Variants in XKR6 observed in about 807,000 individuals in gnomAD.
XKR6 encodes the protein XK related 6, also known as XK-related protein 6.
A neutral mutation model predicts 56.7 loss-of-function variants in XKR6; 22 were observed. The ratio of observed to expected loss-of-function variants is 0.39; its 90% CI spans 0.28 to 0.55. The LOEUF is 0.55. Ranked by LOEUF, XKR6 falls within the 20% of genes least tolerant of loss-of-function variation. The pLI is 0.66. For synonymous variants in XKR6, 524 were observed against 387.8 expected, an observed-to-expected ratio of 1.35 and a Z score of -4.13; for missense variants, 852 against 889.0, an observed-to-expected ratio of 0.96 and a Z score of 0.53.
At chr8:10,961,122 G>A (rs146767033) in intron 1 of XKR6, among the ~76,000 whole-genome samples, 9 of 152,258 alleles carry the variant, frequency 5.9e-5, no homozygotes, top group Non-Finnish European at 8.8e-5. Context: ...GAGAGAGGGT[G>A]GAGGGGAAGG....
chr8:11,011,099 G>A (rs148691172), intron 1 of XKR6, among the ~76,000 whole-genome samples: 222 of 152,348 alleles, frequency 1.5e-3, no homozygotes, highest in African/African-American at 4.2e-3. Context: ...TAACTTGCCT[G>A]AAGTCCTACA....
chr8:11,103,090 G>T (rs1412787524), intron 1 of XKR6, among the ~76,000 whole-genome samples: 1 of 152,210 alleles, frequency 6.6e-6, no homozygotes, highest in East Asian at 1.9e-4. Flanking sequence ...TGGAGTTTTA[G>T]ATCAGTTGCT....
chr8:10,992,788 G>A (rs980033549), intron 1 of XKR6, among the ~76,000 whole-genome samples: 4 of 152,150 alleles, frequency 2.6e-5, no homozygotes, highest in African/African-American at 7.2e-5. Context: ...TGCAACTGAC[G>A]CAGGAGATGG....
chr8:11,181,262 A>G (rs1202963333), intron 1 of XKR6, among the ~76,000 whole-genome samples: 2 of 152,350 alleles, frequency 1.3e-5, no homozygotes, highest in African/African-American at 4.8e-5. Context: ...AAAAGCTTAC[A>G]TATGTATGAT....
chr8:11,110,848 T>C (rs1264087429), intron 1 of XKR6, among the ~76,000 whole-genome samples: 1 of 152,064 alleles, frequency 6.6e-6, no homozygotes, highest in Non-Finnish European at 1.5e-5. Flanking sequence ...TTTCCTTTTT[T>C]TTTTTTGAGG....
At chr8:11,030,765 C>A (rs1244185493) in intron 1 of XKR6, among the ~76,000 whole-genome samples, 1 of 152,228 alleles carries the variant, frequency 6.6e-6, no homozygotes. Context: ...CTCTCCTAGG[C>A]GTGGAGGGTG....
chr8:11,163,300 C>A (rs1382185268), intron 1 of XKR6, among the ~76,000 whole-genome samples: 1 of 152,158 alleles, frequency 6.6e-6, no homozygotes, highest in East Asian at 1.9e-4. Flanking sequence ...TTATATTACC[C>A]AGAAGAATGT....
At chr8:11,159,174 T>A (rs952062242) in intron 1 of XKR6, among the ~76,000 whole-genome samples, 2 of 152,230 alleles carry the variant, frequency 1.3e-5, no homozygotes, top group African/African-American at 4.8e-5. Context: ...GTTACTAACA[T>A]CCACCATATA....
At chr8:11,084,783 T>A (rs1797833359) in intron 1 of XKR6, among the ~76,000 whole-genome samples, 1 of 152,186 alleles carries the variant, frequency 6.6e-6, no homozygotes, top group African/African-American at 2.4e-5. Flanking sequence ...CATACTTTTC[T>A]ATGTTGGAGG....
chr8:11,035,888 G>A (rs752532126), intron 1 of XKR6, among the ~76,000 whole-genome samples: 7 of 149,402 alleles, frequency 4.7e-5, no homozygotes, highest in Non-Finnish European at 7.4e-5. Flanking sequence ...TCCCCTTTGT[G>A]TATCTGACCA....
chr8:11,095,198 C>T (rs920575175), intron 1 of XKR6, among the ~76,000 whole-genome samples: 3 of 152,192 alleles, frequency 2.0e-5, no homozygotes, highest in Non-Finnish European at 2.9e-5. Flanking sequence ...CGTAAGTGGA[C>T]ATTTTTGGTT....
intron 1 of XKR6, among the ~76,000 whole-genome samples, chr8:10,927,064 G>C (rs1800909303): frequency 1.3e-5 from 2 of 152,236 alleles, no homozygotes. Context: ...GGACTGCCTG[G>C]AAGAGATGAT....
intron 1 of XKR6, chr8:11,138,529 T>G (rs889357879): frequency 2.0e-5 from 3 of 152,242 alleles, no homozygotes; most frequent in Non-Finnish European, 4.4e-5. Flanking sequence ...ATTCTATATT[T>G]GATTTCAGAT....
chr8:10,962,554 A>G (rs1802096161), intron 1 of XKR6, among the ~76,000 whole-genome samples: 1 of 152,106 alleles, frequency 6.6e-6, no homozygotes, highest in Non-Finnish European at 1.5e-5. Flanking sequence ...CAACTTTTGG[A>G]ACTTGGTTCA....
At chr8:11,035,375 G>A (rs1359637856) in intron 1 of XKR6, 3 of 530,606 alleles carry the variant, frequency 5.7e-6, no homozygotes, top group Middle Eastern at 3.3e-4. Flanking sequence ...CATGAATGGG[G>A]CTCTTTGCAC....
At chr8:11,119,664 T>C (rs1184158641) in intron 1 of XKR6, among the ~76,000 whole-genome samples, 1 of 152,202 alleles carries the variant, frequency 6.6e-6, no homozygotes, top group African/African-American at 2.4e-5. Flanking sequence ...ACTTGGTAGA[T>C]CTTCCTCCAT....
chr8:11,033,170 T>C (rs1467646633), intron 1 of XKR6, among the ~76,000 whole-genome samples: 1 of 151,904 alleles, frequency 6.6e-6, no homozygotes, highest in African/African-American at 2.4e-5. Context: ...TTGATGATGA[T>C]GGTAATGGTG....
chr8:10,912,306 G>GTATATATATATA (rs535084135), intron 2 of XKR6, among the ~76,000 whole-genome samples: 56 of 55,238 alleles, frequency 1.0e-3, no homozygotes, highest in South Asian at 2.2e-3. Flanking sequence ...AAGAGAGGGT[G>GTATATATATATA]TATATATATA....
chr8:11,185,933 C>G (rs1257227706), intron 1 of XKR6, among the ~76,000 whole-genome samples: 1 of 152,226 alleles, frequency 6.6e-6, no homozygotes, highest in Non-Finnish European at 1.5e-5. Context: ...CCTGTTTGAG[C>G]TGATCGATGG....
Sources: gnomAD v4.1 joint callset for allele counts (sites outside exome capture counted in the v4.1 genomes callset) on GRCh38, gnomAD v4.1.1 for gene constraint, MANE v1.5 for transcripts, NCBI Gene and HGNC (gene_info 2026-07-23, HGNC 2026-07-21) for gene names.